Variants in GPC6 observed in about 807,000 individuals in gnomAD.
GPC6 encodes glypican 6, also known as glypican-6.
In GPC6, 14 loss-of-function variants were observed where a neutral mutation model predicts 55.2. The observed-to-expected ratio is 0.25, with a 90% CI of 0.17 to 0.40. The LOEUF is 0.40. GPC6 is among the 10% of genes least tolerant of loss of function. The probability of loss-of-function intolerance (pLI) is 1.00; values close to 1 mark genes in which losing one functional copy is unlikely to be tolerated. For synonymous variants in GPC6, 278 were observed against 259.6 expected (o/e 1.07, Z -0.68); for missense variants, 641 against 708.5 (o/e 0.90, Z 1.08).
intron 4 of GPC6, among the ~76,000 whole-genome samples, chr13:94,247,049 G>A (rs2139032994): frequency 6.6e-6 from 1 of 151,934 alleles, no homozygotes; most frequent in South Asian, 2.1e-4. Context: ...TGTTTTATGG[G>A]GTTTAATGTA....
chr13:94,115,141 G>A (rs538929289), intron 4 of GPC6, among the ~76,000 whole-genome samples: 1 of 152,262 alleles, frequency 6.6e-6, no homozygotes, highest in South Asian at 2.1e-4. Context: ...CCAGGCCATA[G>A]GTTTATAGAA....
At chr13:93,482,642 A>G (rs753009595) in intron 1 of GPC6, among the ~76,000 whole-genome samples, 2 of 152,184 alleles carry the variant, frequency 1.3e-5, no homozygotes, top group Non-Finnish European at 2.9e-5. Flanking sequence ...CTTGCTCAGG[A>G]ATAGAAGGCA....
chr13:93,928,948 C>T (rs368842114), intron 3 of GPC6, among the ~76,000 whole-genome samples: 33 of 150,634 alleles, frequency 2.2e-4, no homozygotes, highest in African/African-American at 7.6e-4. Flanking sequence ...ATTTAAAGTA[C>T]AAGTACTAGA....
At position 93,462,851 on chromosome 13, in the gene GPC6, T is replaced by A. The variant is rs183664317; in HGVS notation, c.161-82412T>A. On this transcript the variant is annotated intron_variant, in intron 1 of 8. Coordinates refer to ENST00000377047, the MANE Select transcript of GPC6 (RefSeq NM_005708.5). Reference sequence around the variant, plus strand: ...AAAGCGACTTCTTTGGTCCTGGCAGTGTCTCTGCATCACCTGTGTCCTTCC... The same window carrying A: ...AAAGCGACTTCTTTGGTCCTGGCAGAGTCTCTGCATCACCTGTGTCCTTCC... Among the ~76,000 whole-genome samples the A allele has an allele frequency of 8.1e-3, 1,235 of 152,188 alleles. 11 individuals carry two copies. Among genetic ancestry groups the A allele is most frequent in the Non-Finnish European group, 0.013 (878 of 68,014 alleles).
At chr13:93,350,670 A>G (rs1350026897) in intron 1 of GPC6, among the ~76,000 whole-genome samples, 1 of 152,204 alleles carries the variant, frequency 6.6e-6, no homozygotes, top group African/African-American at 2.4e-5. Flanking sequence ...TCTATTAGTA[A>G]TCACAGCTGC....
Position 94,216,871 on chromosome 13 carries a change from G to A in GPC6, c.878-69478G>A, listed in dbSNP as rs112625244. Among the ~76,000 whole-genome samples, 623 of 152,224 alleles carry A rather than the reference G, an allele frequency of 4.1e-3. 11 individuals carry two copies. The highest frequency in any genetic ancestry group is 0.014 in the African/African-American group (598 of 41,546). On this transcript the variant is annotated intron_variant, in intron 4 of 8. Coordinates refer to ENST00000377047, the MANE Select transcript of GPC6 (RefSeq NM_005708.5). ...GGGTCACTTCATAAGGACCCAGGGA[G>A]GTCTCCTCTAAGAAACACAACCTTA...
intron 3 of GPC6, among the ~76,000 whole-genome samples, chr13:93,832,216 A>G (rs1887546972): frequency 7.0e-6 from 1 of 143,708 alleles, no homozygotes; most frequent in African/African-American, 2.6e-5. Flanking sequence ...TGCATTTATA[A>G]GGAATTAGCT....
At chr13:93,266,608 TA>T (rs1877333340) in intron 1 of GPC6, among the ~76,000 whole-genome samples, 1 of 152,214 alleles carries the variant, frequency 6.6e-6, no homozygotes, top group Admixed American at 6.5e-5. Flanking sequence ...TGAGTTTGAA[TA>T]TAGAAGCTGA....
At chr13:94,384,162 A>T (rs1176437152) in intron 7 of GPC6, among the ~76,000 whole-genome samples, 2 of 152,238 alleles carry the variant, frequency 1.3e-5, no homozygotes, top group Admixed American at 1.3e-4. Context: ...AGCTCTAACC[A>T]TTTCAAAATG....
intron 3 of GPC6, among the ~76,000 whole-genome samples, chr13:93,878,135 A>G (rs1191115975): frequency 6.6e-6 from 1 of 151,920 alleles, no homozygotes; most frequent in African/African-American, 2.4e-5. Flanking sequence ...TTACAGGGAG[A>G]GCGATGGGGA....
At chr13:93,765,165 C>T (rs1413548518) in intron 2 of GPC6, among the ~76,000 whole-genome samples, 1 of 77,292 alleles carries the variant, frequency 1.3e-5, no homozygotes, top group Non-Finnish European at 3.0e-5. Flanking sequence ...CCTAGATTCT[C>T]TATGTAATTG....
intron 3 of GPC6, among the ~76,000 whole-genome samples, chr13:93,905,475 A>G (rs570430939): frequency 6.6e-6 from 1 of 152,280 alleles, no homozygotes; most frequent in Admixed American, 6.5e-5. Context: ...ACAAGTTACA[A>G]TTTCCTGTAA....
chr13:94,046,484 T>A (rs1455704550), intron 4 of GPC6, among the ~76,000 whole-genome samples: 1 of 152,016 alleles, frequency 6.6e-6, no homozygotes, highest in Non-Finnish European at 1.5e-5. Flanking sequence ...CACCCAGGAT[T>A]CCCTTTAAAG....
At chr13:93,440,008 C>T (rs1289940117) in intron 1 of GPC6, among the ~76,000 whole-genome samples, 4 of 152,300 alleles carry the variant, frequency 2.6e-5, no homozygotes, top group Non-Finnish European at 5.9e-5. Flanking sequence ...GTGGCACAGA[C>T]AATCAACAAT....
At chr13:93,257,193 C>T (rs1393028480) in intron 1 of GPC6, among the ~76,000 whole-genome samples, 1 of 151,974 alleles carries the variant, frequency 6.6e-6, no homozygotes, top group East Asian at 1.9e-4. Context: ...CCCAGCTACT[C>T]AGGAGGCTGA....
At chr13:93,480,723 T>C (rs1411816098) in intron 1 of GPC6, among the ~76,000 whole-genome samples, 4 of 152,222 alleles carry the variant, frequency 2.6e-5, no homozygotes, top group Admixed American at 6.5e-5. Context: ...GTATATTTCT[T>C]TACTTAGTGT....
chr13:93,494,866 G>T (rs540674939), intron 1 of GPC6, among the ~76,000 whole-genome samples: 1 of 148,610 alleles, frequency 6.7e-6, no homozygotes, highest in African/African-American at 2.5e-5. Context: ...CTCTCTTCTG[G>T]CTTGTAGGGT....
At chr13:93,489,455 C>T (rs1879866840) in intron 1 of GPC6, among the ~76,000 whole-genome samples, 1 of 151,358 alleles carries the variant, frequency 6.6e-6, no homozygotes, top group South Asian at 2.1e-4. Flanking sequence ...GCAATGTGGG[C>T]TCTTTTTTGG....
intron 2 of GPC6, among the ~76,000 whole-genome samples, chr13:93,613,742 G>A (rs1041115196): frequency 2.6e-5 from 4 of 152,214 alleles, no homozygotes; most frequent in East Asian, 1.9e-4. Context: ...CTTTGCAGAG[G>A]ACATTTAGGG....
Sources: allele counts gnomAD v4.1 joint callset (sites outside exome capture counted in the v4.1 genomes callset), GRCh38; gene constraint gnomAD v4.1.1; transcripts MANE v1.5; gene names NCBI Gene and HGNC (gene_info 2026-07-23, HGNC 2026-07-21).